The following SEZ6L variants were observed in gnomAD, a reference collection of about 807,000 sequenced individuals.
SEZ6L encodes seizure 6-like protein.
Under a neutral mutation model 106.2 loss-of-function variants are expected in SEZ6L, and 37 were observed. That is an observed-to-expected ratio of 0.35 (90% CI 0.27 to 0.46). The LOEUF (loss-of-function observed/expected upper bound fraction) is 0.46, where lower values mean the gene tolerates loss of function less well. Among genes scored for constraint, SEZ6L ranks in the 20% least tolerant of loss-of-function variants. The probability of loss-of-function intolerance (pLI) is 1.00; values close to 1 mark genes in which losing one functional copy is unlikely to be tolerated. For missense variants in SEZ6L, 1,172 were observed against 1,332.8 expected, an observed-to-expected ratio of 0.88 and a Z score of 1.88; for synonymous variants, 541 against 570.4, an observed-to-expected ratio of 0.95 and a Z score of 0.73.
intron 1 of SEZ6L, among the ~76,000 whole-genome samples, chr22:26,259,252 C>A (rs2079922519): frequency 6.6e-6 from 1 of 152,058 alleles, no homozygotes; most frequent in Non-Finnish European, 1.5e-5. Flanking sequence ...ATGGTCAGCA[C>A]CAAGAGAGGT....
At chr22:26,332,153 T>G (rs567202173) in intron 9 of SEZ6L, among the ~76,000 whole-genome samples, 7,492 of 143,002 alleles carry the variant, frequency 0.052, 189 homozygotes, top group African/African-American at 0.07. Flanking sequence ...CAATGTTTTT[T>G]TTTTTTTTTT....
At chr22:26,335,829 G>C (rs980306960) in intron 9 of SEZ6L, among the ~76,000 whole-genome samples, 2 of 152,086 alleles carry the variant, frequency 1.3e-5, no homozygotes, top group East Asian at 1.9e-4. Flanking sequence ...TCCAGCTACT[G>C]TTATCCAAGC....
At chr22:26,208,710 A>T (rs1316401711) in intron 1 of SEZ6L, among the ~76,000 whole-genome samples, 1 of 151,998 alleles carries the variant, frequency 6.6e-6, no homozygotes, top group East Asian at 1.9e-4. Context: ...AGTTTTCTTC[A>T]TATTTATCCT....
chr22:26,220,533 CCTGT>C (rs1357868670), intron 1 of SEZ6L, among the ~76,000 whole-genome samples: 1 of 152,122 alleles, frequency 6.6e-6, no homozygotes, highest in Non-Finnish European at 1.5e-5. Flanking sequence ...GTGTTAGTTG[CCTGT>C]CTGTCAGTTG....
At chr22:26,183,686 A>G (rs1748231990) in intron 1 of SEZ6L, among the ~76,000 whole-genome samples, 1 of 152,208 alleles carries the variant, frequency 6.6e-6, no homozygotes, top group Non-Finnish European at 1.5e-5. Flanking sequence ...TTATTGCAAC[A>G]ATATGTTGGC....
At chr22:26,310,539 A>T in intron 6 of SEZ6L, 131 bp from the exon 7 acceptor site, 2 of 1,021,008 alleles carry the variant, frequency 2.0e-6, no homozygotes, top group Non-Finnish European at 2.8e-6. Context: ...TCTGTCAAAA[A>T]AAAAGAGGCA....
At chr22:26,195,836 A>G (rs1198620636) in intron 1 of SEZ6L, among the ~76,000 whole-genome samples, 2 of 152,050 alleles carry the variant, frequency 1.3e-5, no homozygotes, top group Non-Finnish European at 2.9e-5. Flanking sequence ...ACAAATAGGA[A>G]TAAATGCTGT....
intron 1 of SEZ6L, among the ~76,000 whole-genome samples, chr22:26,255,215 A>G (rs1268865119): frequency 1.3e-5 from 2 of 152,170 alleles, no homozygotes. Flanking sequence ...CATTTTTCCT[A>G]TGACCTAAGG....
chr22:26,340,294 C>A, intron 9 of SEZ6L, 142 bp from the exon 10 acceptor site: 1 of 711,228 alleles, frequency 1.4e-6, no homozygotes, highest in Non-Finnish European at 2.3e-6. Context: ...ATCTTACCCT[C>A]AGCTTGGGGT....
At chr22:26,307,166 C>A (rs778255184) in intron 6 of SEZ6L, among the ~76,000 whole-genome samples, 7 of 152,158 alleles carry the variant, frequency 4.6e-5, no homozygotes, top group Non-Finnish European at 1.0e-4. Context: ...TACTTATGCA[C>A]CAGCTCCCAT....
At chr22:26,254,399 C>T (rs974494) in intron 1 of SEZ6L, among the ~76,000 whole-genome samples, 210 of 151,766 alleles carry the variant, frequency 1.4e-3, no homozygotes, top group African/African-American at 4.8e-3. Context: ...GAAGCAGAAA[C>T]GGAGAGCAGG....
intron 10 of SEZ6L, 40 bp from the exon 11 acceptor site, chr22:26,347,679 A>C: frequency 6.5e-7 from 1 of 1,541,608 alleles, no homozygotes; most frequent in Non-Finnish European, 8.7e-7. Flanking sequence ...CGACAACAAG[A>C]CTGCTTCCCC....
At position 26,216,637 on chromosome 22, in the gene SEZ6L, CAG is replaced by C. The variant is rs2078307699; in HGVS notation, c.94+46877_94+46878del. Among the ~76,000 whole-genome samples the C allele has an allele frequency of 2.0e-5, 3 of 151,396 alleles. No homozygotes were observed. The East Asian group carries it at 5.8e-4, about 29-fold the overall frequency. ...CGCCATTGCACTCCAGCCTTGGTGA[CAG>C]AGTGAGACTCCATCTCAAAAAAGAA... On this transcript the variant is annotated intron_variant, in intron 1 of 16. Transcript: ENST00000248933.
intron 1 of SEZ6L, among the ~76,000 whole-genome samples, chr22:26,250,858 A>G (rs1375789470): frequency 1.3e-5 from 2 of 152,080 alleles, no homozygotes; most frequent in Non-Finnish European, 1.5e-5. Context: ...AGCTTTCCTT[A>G]TAGAGGTCTT....
At chr22:26,180,804 G>A (rs942778059) in intron 1 of SEZ6L, among the ~76,000 whole-genome samples, 14 of 152,204 alleles carry the variant, frequency 9.2e-5, no homozygotes, top group Admixed American at 3.3e-4. Flanking sequence ...GAGCAATAAG[G>A]GAGGTTGGTA....
chr22:26,333,728 G>T (rs149796791), intron 9 of SEZ6L, among the ~76,000 whole-genome samples: 1 of 152,160 alleles, frequency 6.6e-6, no homozygotes, highest in African/African-American at 2.4e-5. Context: ...CCAGACCAAT[G>T]GGGCCCCAAG....
chr22:26,313,984 A>G (rs968132647), intron 9 of SEZ6L, 82 bp downstream of exon 9: 7 of 1,380,652 alleles, frequency 5.1e-6, no homozygotes, highest in African/African-American at 1.4e-5. Context: ...TTATTCTTTC[A>G]ACCAATATTA....
intron 4 of SEZ6L, among the ~76,000 whole-genome samples, chr22:26,297,627 C>T (rs996095431): frequency 6.6e-6 from 1 of 152,150 alleles, no homozygotes; most frequent in Non-Finnish European, 1.5e-5. Flanking sequence ...AGAGCCTTAA[C>T]AGGGTACTTC....
At chr22:26,319,889 C>A (rs2082107901) in intron 9 of SEZ6L, among the ~76,000 whole-genome samples, 1 of 152,084 alleles carries the variant, frequency 6.6e-6, no homozygotes, top group Admixed American at 6.6e-5. Flanking sequence ...AGACATGAGG[C>A]TTCAAAGCGA....
Sources: allele counts gnomAD v4.1 joint callset (sites outside exome capture counted in the v4.1 genomes callset), GRCh38; gene constraint gnomAD v4.1.1; transcripts MANE v1.5; gene names NCBI Gene and HGNC (gene_info 2026-07-23, HGNC 2026-07-21).